Variants in RICTOR observed in about 807,000 individuals in gnomAD.
The protein encoded by RICTOR is RPTOR independent companion of MTOR complex 2.
In RICTOR, 49 loss-of-function variants were observed where a neutral mutation model predicts 214.9. That is an observed-to-expected ratio of 0.23 (90% CI 0.18 to 0.29). The LOEUF is 0.29. RICTOR is among the 10% of genes least tolerant of loss of function. The probability of loss-of-function intolerance (pLI) is 1.00; values close to 1 mark genes in which losing one functional copy is unlikely to be tolerated. For synonymous variants in RICTOR, 717 were observed against 711.3 expected, an observed-to-expected ratio of 1.01 and a Z score of -0.13; for missense variants, 1,625 against 2,047.0, an observed-to-expected ratio of 0.79 and a Z score of 3.98.
At chr5:39,025,273 T>C (rs1187254263) in intron 2 of RICTOR, among the ~76,000 whole-genome samples, 2 of 152,224 alleles carry the variant, frequency 1.3e-5, no homozygotes, top group African/African-American at 4.8e-5. Context: ...CTAACATTCA[T>C]GTGGTACAAT....
At position 38,957,720 on chromosome 5, in the gene RICTOR, T is replaced by C; in HGVS notation, c.2431A>G (p.Ile811Val). 1.3e-6 allele frequency: 2 copies of C among 1,574,560 alleles called. No individual in the cohort carries two copies. Among genetic ancestry groups the C allele is most frequent in the Non-Finnish European group, 1.7e-6 (2 of 1,151,846 alleles). ...GLLLLLRFLSIPKGFSYLNER... is the reference protein window; with the variant it reads ...GLLLLLRFLSVPKGFSYLNER... The stretch of plus-strand genomic sequence containing the variant: ...TTCAGATAGGAAAATCCTTTTGGAA[T>C]GGAGAGAAATCTGCAAATTAAAACA... The change falls in exon 25 of 38, where the codon ATT (isoleucine) becomes GTT (valine). Residue 811 changes from isoleucine to valine, a missense_variant. Physicochemically the swap from Ile to Val is conservative, Grantham distance 29 (BLOSUM62 3). Coordinates refer to ENST00000357387, the MANE Select transcript of RICTOR (RefSeq NM_152756.5).
chr5:38,982,899 T>C (rs1339489531), intron 7 of RICTOR, among the ~76,000 whole-genome samples: 2 of 152,092 alleles, frequency 1.3e-5, no homozygotes, highest in South Asian at 2.1e-4. Flanking sequence ...TTTTCAAAAA[T>C]GTTTTCATGG....
intron 2 of RICTOR, among the ~76,000 whole-genome samples, chr5:39,061,405 A>G (rs1758533140): frequency 6.6e-6 from 1 of 152,238 alleles, no homozygotes; most frequent in East Asian, 1.9e-4. Flanking sequence ...GGAAGGTCTG[A>G]GTGATGGTGG....
chr5:39,045,996 A>T (rs1043669922), intron 2 of RICTOR, among the ~76,000 whole-genome samples: 1 of 150,462 alleles, frequency 6.6e-6, no homozygotes, highest in Non-Finnish European at 1.5e-5. Flanking sequence ...TTCTTCATGG[A>T]TCGTCAGTCT....
rs1430574880 is a variant in RICTOR at position 38,938,055 on chromosome 5, T to G, written c.*4249A>C. On this transcript the variant is annotated 3_prime_UTR_variant, in exon 38 of 38. Transcript: ENST00000357387. ...AAAATCACAACAAAAAAAATCAAGG[T>G]GAGCAAAACCATTTGGGGACAAATC... 1 of 204,116 alleles carries G rather than the reference T, an allele frequency of 4.9e-6. No homozygotes were observed. Among genetic ancestry groups the G allele is most frequent in the African/African-American group, 2.3e-5 (1 of 43,706 alleles). The allele number at this position is 204,116 out of a possible 1,614,324, so 12.6% of individuals were successfully genotyped here.
At chr5:38,994,992 A>G (rs1352223001) in intron 6 of RICTOR, among the ~76,000 whole-genome samples, 1 of 152,144 alleles carries the variant, frequency 6.6e-6, no homozygotes, top group African/African-American at 2.4e-5. Flanking sequence ...AGTGTGTACT[A>G]AAGTTTTCCG....
In RICTOR at chr5:38,958,699, G is replaced by C. The variant is rs2150014571; in HGVS notation, c.2311C>G (p.Leu771Val). Residue 771 changes from leucine to valine, a missense_variant, in exon 23 of 38, where the codon CTT (leucine) becomes GTT (valine). Leu to Val is a conservative substitution (Grantham distance 32). Coordinates refer to ENST00000357387, the MANE Select transcript of RICTOR (RefSeq NM_152756.5). ...TCACATGCTTCATCGAGGATATCAAGAGCTTCAGAGGAAATCGTTTTGTTT... is the reference window on the plus strand; with the variant it reads ...TCACATGCTTCATCGAGGATATCAACAGCTTCAGAGGAAATCGTTTTGTTT... Reference protein sequence around the residue: ...DKNKTISSEALDILDEACEDK... With the variant: ...DKNKTISSEAVDILDEACEDK... 6.2e-7 allele frequency: 1 copy of C among 1,609,574 alleles called. No homozygotes were observed. Among genetic ancestry groups the C allele is most frequent in the Non-Finnish European group, 8.5e-7 (1 of 1,178,360 alleles).
chr5:39,003,083 T>C (rs1225415346), intron 4 of RICTOR, among the ~76,000 whole-genome samples: 4 of 152,130 alleles, frequency 2.6e-5, no homozygotes, highest in African/African-American at 9.7e-5. Context: ...TCAATGATAA[T>C]AATAATTTAT....
chr5:38,997,100 C>T (rs936526091), intron 5 of RICTOR, among the ~76,000 whole-genome samples: 6 of 151,744 alleles, frequency 4.0e-5, no homozygotes, highest in African/African-American at 7.3e-5. Flanking sequence ...TCTTTTAAAA[C>T]GTTAGGAAAG....
chr5:38,989,868 G>A (rs1252906050), intron 7 of RICTOR, among the ~76,000 whole-genome samples: 1 of 152,196 alleles, frequency 6.6e-6, no homozygotes. Flanking sequence ...TAGAGAGGAT[G>A]TGAAGAAATA....
In RICTOR at chr5:38,950,121, C is replaced by A. The variant is rs767114871; in HGVS notation, c.3727G>T (p.Val1243Leu). 2 of 1,613,418 alleles carry A rather than the reference C, an allele frequency of 1.2e-6. No individual in the cohort carries two copies. Among genetic ancestry groups the A allele is most frequent in the East Asian group, 2.2e-5 (1 of 44,856 alleles). ...SSSPSRETVG[V>L]DATTMDTDCG... ...TCTGTGTCCATAGTTGTAGCATCTA[C>A]ACCTACTGTCTCTCGTGAAGGACTT... is the stretch of plus-strand genomic sequence containing the variant. The change falls in exon 31 of 38, where the codon GTA becomes TTA. Residue 1243 changes from valine to leucine, a missense_variant. This residue lies in a region of RICTOR where 1,214 missense variants were observed against 1,470.5 expected (regional missense o/e 0.83). Transcript: ENST00000357387.
chr5:39,040,258 A>C (rs930350960), intron 2 of RICTOR, among the ~76,000 whole-genome samples: 20 of 144,482 alleles, frequency 1.4e-4, no homozygotes, highest in Middle Eastern at 3.5e-3. Flanking sequence ...ATAGGTGGGA[A>C]CTGAACAATG....
chr5:38,958,724 T>C lies in RICTOR; in HGVS notation c.2286A>G (p.Lys762=), dbSNP rs750962884. 82 of 1,612,430 alleles carry C rather than the reference T, an allele frequency of 5.1e-5. No individual in the cohort carries two copies. The highest frequency in any genetic ancestry group is 1.8e-4 in the Admixed American group (11 of 59,842). Residue 762 remains lysine (K), a synonymous_variant, in exon 23 of 38, where the codon AAA becomes AAG. Transcript: ENST00000357387. ...GAGCTTCAGAGGAAATCGTTTTGTT[T>C]TTATCATGTAGCTGGGTCACTAACA... The part of the protein sequence containing the change: ...IELLVTQLHD[K]NKTISSEALD...
At position 39,020,197 on chromosome 5, in the gene RICTOR, A is replaced by C. The variant is rs531662812; in HGVS notation, c.195+842T>G. Among the ~76,000 whole-genome samples the C allele has an allele frequency of 1.1e-4, 16 of 152,338 alleles. No homozygotes were observed. In the South Asian group the frequency reaches 3.1e-3, roughly 30 times the overall value. ...TGAAGATGCTATGAACACTGTTGAAATGACAACAAATAATTCAGAATATTA... is the reference window on the plus strand; with the variant it reads ...TGAAGATGCTATGAACACTGTTGAACTGACAACAAATAATTCAGAATATTA... On this transcript the variant is annotated intron_variant, in intron 3 of 37. Transcript: ENST00000357387.
intron 2 of RICTOR, among the ~76,000 whole-genome samples, chr5:39,035,873 C>T (rs1756649366): frequency 6.6e-6 from 1 of 152,136 alleles, no homozygotes; most frequent in Admixed American, 6.5e-5. Context: ...GAGAATGGAA[C>T]CAAGTTGGAA....
chr5:38,962,703 T>A (rs1749896730), intron 17 of RICTOR, 117 bp from the exon 18 acceptor site: 1 of 805,626 alleles, frequency 1.2e-6, no homozygotes, highest in Non-Finnish European at 1.9e-6. Context: ...AGATCAAGGT[T>A]TTTTAACTTT....
chr5:38,957,928 C>T (rs1396076936), intron 24 of RICTOR, among the ~76,000 whole-genome samples, 198 bp from the exon 25 acceptor site: 1 of 152,082 alleles, frequency 6.6e-6, no homozygotes. Flanking sequence ...CAACAACACG[C>T]GAACCCAATC....
At chr5:39,009,362 TATA>T (rs981162973) in intron 3 of RICTOR, among the ~76,000 whole-genome samples, 1 of 152,186 alleles carries the variant, frequency 6.6e-6, no homozygotes, top group Non-Finnish European at 1.5e-5. Flanking sequence ...TCAAAGGTAT[TATA>T]ATCTTAAAAA....
At chr5:38,952,163 G>C (rs1748846290) in intron 30 of RICTOR, 33 bp downstream of exon 30, 1 of 1,228,138 alleles carries the variant, frequency 8.1e-7, no homozygotes, top group Non-Finnish European at 1.2e-6. Context: ...GTTAACATTG[G>C]CTAACTTTAT....
Sources: allele counts gnomAD v4.1 joint callset (sites outside exome capture counted in the v4.1 genomes callset), GRCh38; gene constraint gnomAD v4.1.1; regional missense constraint gnomAD v4.1.1; transcripts MANE v1.5; gene names NCBI Gene and HGNC (gene_info 2026-07-23, HGNC 2026-07-21).